The following SDK1 variants were observed in gnomAD, a reference collection of about 807,000 sequenced individuals.
SDK1 encodes sidekick cell adhesion molecule 1.
In SDK1, 157 loss-of-function variants were observed where a neutral mutation model predicts 245.5. The observed-to-expected ratio is 0.64, with a 90% CI of 0.56 to 0.73. The LOEUF (loss-of-function observed/expected upper bound fraction) is 0.73. Among genes scored for constraint, SDK1 ranks in the 30% least tolerant of loss-of-function variants. The pLI is 0.00. For missense variants in SDK1, 3,583 were observed against 3,002.3 expected, an observed-to-expected ratio of 1.19 and a Z score of -4.52; for synonymous variants, 1,647 against 1,278.5, an observed-to-expected ratio of 1.29 and a Z score of -6.15.
chr7:3,832,444 T>C (rs1205936699), intron 5 of SDK1, among the ~76,000 whole-genome samples: 2 of 152,236 alleles, frequency 1.3e-5, no homozygotes, highest in Admixed American at 1.3e-4. Context: ...CGATGTTCTT[T>C]TGGCTCTTGT....
At chr7:3,923,250 C>G (rs1290805326) in intron 5 of SDK1, among the ~76,000 whole-genome samples, 1 of 151,692 alleles carries the variant, frequency 6.6e-6, no homozygotes, top group African/African-American at 2.4e-5. Flanking sequence ...TCTTTATGTT[C>G]TTTAAATTGA....
At chr7:3,984,268 C>G (rs1783648342) in intron 13 of SDK1, among the ~76,000 whole-genome samples, 1 of 152,204 alleles carries the variant, frequency 6.6e-6, no homozygotes, top group East Asian at 1.9e-4. Context: ...ACAGAAGCTG[C>G]CCCGTGAGTA....
intron 1 of SDK1, among the ~76,000 whole-genome samples, chr7:3,597,271 CAAAAAAAAAAA>C (rs59830553): frequency 1.5e-4 from 13 of 89,472 alleles, no homozygotes; most frequent in Non-Finnish European, 2.5e-4. Flanking sequence ...GACTTGGTCT[CAAAAAAAAAAA>C]AAAAAAAAAA....
At chr7:3,502,308 G>A (rs1397831311) in intron 1 of SDK1, among the ~76,000 whole-genome samples, 1 of 152,018 alleles carries the variant, frequency 6.6e-6, no homozygotes, top group African/African-American at 2.4e-5. Context: ...GGAGTGCAGT[G>A]GCAGAATCTC....
chr7:4,189,615 C>T (rs906926700), intron 35 of SDK1, among the ~76,000 whole-genome samples: 2 of 152,142 alleles, frequency 1.3e-5, no homozygotes, highest in Non-Finnish European at 2.9e-5. Flanking sequence ...TTTGAGAGGC[C>T]AAGGCGGGTG....
intron 17 of SDK1, among the ~76,000 whole-genome samples, chr7:4,023,187 A>G (rs1442410684): frequency 6.6e-6 from 1 of 152,088 alleles, no homozygotes; most frequent in Non-Finnish European, 1.5e-5. Context: ...ACACATGGGG[A>G]TTACTTAATA....
intron 35 of SDK1, among the ~76,000 whole-genome samples, chr7:4,191,143 T>C (rs1783182244): frequency 6.6e-6 from 1 of 151,818 alleles, no homozygotes; most frequent in Admixed American, 6.5e-5. Context: ...GACTCTGAGG[T>C]CCTGCCAGGC....
At chr7:3,552,465 C>T (rs1001206524) in intron 1 of SDK1, among the ~76,000 whole-genome samples, 2 of 152,184 alleles carry the variant, frequency 1.3e-5, no homozygotes, top group East Asian at 3.9e-4. Context: ...TCACCTACCT[C>T]TTCTCCCTCT....
At chr7:4,068,470 C>T (rs1398834778) in intron 20 of SDK1, among the ~76,000 whole-genome samples, 1 of 152,116 alleles carries the variant, frequency 6.6e-6, no homozygotes, top group East Asian at 1.9e-4. Context: ...CCTCGTCCCA[C>T]AGCTGTGAGC....
chr7:3,793,566 T>C (rs955040089), intron 4 of SDK1, among the ~76,000 whole-genome samples: 1 of 152,200 alleles, frequency 6.6e-6, no homozygotes, highest in African/African-American at 2.4e-5. Flanking sequence ...CTTTACAGCT[T>C]TTGTATCCTT....
At chr7:3,557,593 C>G (rs750524701) in intron 1 of SDK1, among the ~76,000 whole-genome samples, 1 of 152,174 alleles carries the variant, frequency 6.6e-6, no homozygotes, top group South Asian at 2.1e-4. Context: ...CTGAGGAAAT[C>G]TGAGTAAGAT....
chr7:4,119,380 A>G (rs1783920063), intron 25 of SDK1, among the ~76,000 whole-genome samples: 1 of 148,444 alleles, frequency 6.7e-6, no homozygotes, highest in African/African-American at 2.5e-5. Flanking sequence ...GCTTCAGCCC[A>G]GGAGGTCGAG....
intron 1 of SDK1, among the ~76,000 whole-genome samples, chr7:3,526,177 G>C (rs1783123846): frequency 6.6e-6 from 1 of 151,872 alleles, no homozygotes; most frequent in Admixed American, 6.6e-5. Context: ...AGGTTGCTGT[G>C]AGCCGAGATC....
chr7:3,543,614 A>C (rs1779118698), intron 1 of SDK1, among the ~76,000 whole-genome samples: 2 of 152,224 alleles, frequency 1.3e-5, no homozygotes, highest in Admixed American at 6.5e-5. Context: ...CTTCTGAGAA[A>C]AAAAGTTTGG....
In SDK1 at chr7:3,884,428, A is replaced by T. The variant is rs28560779; in HGVS notation, c.847+62845A>T. Among the ~76,000 whole-genome samples the T allele has an allele frequency of 6.7e-3, 1,026 of 152,256 alleles. 13 individuals are homozygous for T. The highest frequency in any genetic ancestry group is 0.024 in the African/African-American group (978 of 41,552). On this transcript the variant is annotated intron_variant, in intron 5 of 44. Coordinates refer to ENST00000404826, the MANE Select transcript of SDK1 (RefSeq NM_152744.4). ...TGTTTGATACTGTTGGTTTGTGAGT[A>T]TCACTGCACGCCAGGCCTCTAACGT...
At chr7:3,608,950 A>G (rs1276826600) in intron 1 of SDK1, among the ~76,000 whole-genome samples, 1 of 152,238 alleles carries the variant, frequency 6.6e-6, no homozygotes, top group Non-Finnish European at 1.5e-5. Context: ...AACTGAAACA[A>G]CATATTACAA....
chr7:3,344,750 C>T (rs1156264083), intron 1 of SDK1, among the ~76,000 whole-genome samples: 1 of 152,128 alleles, frequency 6.6e-6, no homozygotes, highest in Non-Finnish European at 1.5e-5. Flanking sequence ...TATAATTTAC[C>T]TTTTCATATA....
At chr7:3,830,816 T>G (rs1779895618) in intron 5 of SDK1, among the ~76,000 whole-genome samples, 2 of 152,140 alleles carry the variant, frequency 1.3e-5, no homozygotes, top group South Asian at 4.1e-4. Flanking sequence ...TTACCTTTGA[T>G]TTTGGAACCT....
chr7:3,686,954 G>A (rs1342256644), intron 4 of SDK1, among the ~76,000 whole-genome samples: 2 of 151,924 alleles, frequency 1.3e-5, no homozygotes, highest in African/African-American at 4.8e-5. Context: ...GCCCAGTAAG[G>A]GAAGTGGTTG....
Sources: allele counts gnomAD v4.1 joint callset (sites outside exome capture counted in the v4.1 genomes callset), GRCh38; gene constraint gnomAD v4.1.1; transcripts MANE v1.5; gene names NCBI Gene and HGNC (gene_info 2026-07-23, HGNC 2026-07-21).